The following ELF1 variants were observed in gnomAD, a reference collection of about 807,000 sequenced individuals.
ELF1 encodes ETS-related transcription factor Elf-1.
In ELF1, 24 loss-of-function variants were observed where a neutral mutation model predicts 59.9. The observed-to-expected ratio is 0.40, with a 90% CI of 0.29 to 0.56. The LOEUF is 0.56. ELF1 is among the 20% of genes least tolerant of loss of function. ELF1 has a pLI of 0.44. For synonymous variants in ELF1, 248 were observed against 266.2 expected (o/e 0.93, Z 0.67); for missense variants, 627 against 742.2 (o/e 0.84, Z 1.80).
chr13:41,016,316 C>T (rs531018642), intron 1 of ELF1, among the ~76,000 whole-genome samples: 28 of 152,178 alleles, frequency 1.8e-4, no homozygotes, highest in African/African-American at 6.0e-4. Context: ...TATGCATAAA[C>T]CATTAAAAAT....
In ELF1 at chr13:40,957,905, G is replaced by A. The variant is rs117912368; in HGVS notation, c.253+931C>T. On this transcript the variant is annotated intron_variant, in intron 3 of 8. Coordinates refer to ENST00000239882, the MANE Select transcript of ELF1 (RefSeq NM_172373.4). The stretch of plus-strand genomic sequence containing the variant: ...TAACTTCCTAAATAGATCAGAACCC[G>A]CCTTTAGACTTACTATTCAGTTCTA... 8.7e-3 allele frequency among the ~76,000 whole-genome samples: 1,326 copies of A among 152,228 alleles called. 19 individuals are homozygous for A. Among genetic ancestry groups the A allele is most frequent in the Non-Finnish European group, 0.014 (971 of 68,014 alleles).
At chr13:40,953,490 A>G (rs1461279935) in intron 3 of ELF1, among the ~76,000 whole-genome samples, 2 of 152,226 alleles carry the variant, frequency 1.3e-5, no homozygotes, top group Non-Finnish European at 2.9e-5. Flanking sequence ...ATGTGAAGAC[A>G]CTGGAAGACA....
At chr13:40,962,393 AAG>A (rs1416003072) in intron 2 of ELF1, among the ~76,000 whole-genome samples, 1 of 152,142 alleles carries the variant, frequency 6.6e-6, no homozygotes, top group Non-Finnish European at 1.5e-5. Flanking sequence ...GGATTAAAAA[AAG>A]AGAGTGGCCA....
intron 1 of ELF1, among the ~76,000 whole-genome samples, chr13:41,058,560 T>C (rs1877371250): frequency 6.6e-6 from 1 of 152,258 alleles, no homozygotes; most frequent in Non-Finnish European, 1.5e-5. Flanking sequence ...ATGATGCAAC[T>C]ACTTCCTTTG....
intron 8 of ELF1, among the ~76,000 whole-genome samples, chr13:40,938,112 T>C (rs1869910251): frequency 6.6e-6 from 1 of 152,216 alleles, no homozygotes; most frequent in African/African-American, 2.4e-5. Flanking sequence ...GCACTGCACC[T>C]GGCCAGGATA....
intron 3 of ELF1, among the ~76,000 whole-genome samples, chr13:40,953,027 A>T (rs919658758): frequency 1.4e-5 from 2 of 142,462 alleles, no homozygotes; most frequent in African/African-American, 5.3e-5. Flanking sequence ...CCCAGGCTGG[A>T]GTGCAATGGT....
At chr13:41,060,077 C>G (rs1306984410) in intron 1 of ELF1, among the ~76,000 whole-genome samples, 1 of 152,206 alleles carries the variant, frequency 6.6e-6, no homozygotes, top group Non-Finnish European at 1.5e-5. Context: ...CCCCTTAAGT[C>G]AAGTTGGGAA....
chr13:41,059,725 G>A (rs1190793402), intron 1 of ELF1, among the ~76,000 whole-genome samples: 1 of 152,148 alleles, frequency 6.6e-6, no homozygotes, highest in East Asian at 1.9e-4. Context: ...TGCTGACACA[G>A]CTGTCCCTTC....
chr13:41,035,782 T>G (rs901857582), intron 1 of ELF1, among the ~76,000 whole-genome samples: 7 of 150,932 alleles, frequency 4.6e-5, no homozygotes, highest in Non-Finnish European at 8.8e-5. Context: ...GGCCCTTCCA[T>G]TCGACTTTTT....
At chr13:40,947,072 T>C (rs1359604199) in intron 5 of ELF1, among the ~76,000 whole-genome samples, 1 of 150,854 alleles carries the variant, frequency 6.6e-6, no homozygotes, top group African/African-American at 2.4e-5. Context: ...TTTACTGTGT[T>C]GATAAAAGTG....
chr13:41,042,840 G>A (rs1324356398), intron 1 of ELF1, among the ~76,000 whole-genome samples: 3 of 152,078 alleles, frequency 2.0e-5, no homozygotes, highest in Non-Finnish European at 2.9e-5. Flanking sequence ...GGGATGGCTG[G>A]GTCAAATGGC....
chr13:40,932,192 T>G lies in ELF1; in HGVS notation c.*1233A>C, dbSNP rs948666011. The G allele has an allele frequency of 6.7e-6, 1 of 148,708 alleles. No homozygotes were observed. The highest frequency in any genetic ancestry group is 1.5e-5 in the Non-Finnish European group (1 of 68,012). The allele number at this position is 148,708 out of a possible 1,614,324, so 9.2% of individuals were successfully genotyped here. Reference sequence around the variant, plus strand: ...ATGATTTTTTTCATCTACAAAAATTTCTGTTATACTAGAAAATTTGCAGAA... The same window carrying G: ...ATGATTTTTTTCATCTACAAAAATTGCTGTTATACTAGAAAATTTGCAGAA... On this transcript the variant is annotated 3_prime_UTR_variant, in exon 9 of 9. Coordinates refer to ENST00000239882, the MANE Select transcript of ELF1 (RefSeq NM_172373.4).
chr13:41,057,151 C>CT (rs11358975), intron 1 of ELF1, among the ~76,000 whole-genome samples: 8 of 131,610 alleles, frequency 6.1e-5, no homozygotes, highest in East Asian at 4.4e-4. Flanking sequence ...ACTTTCACGT[C>CT]TTTTTTTTTT....
At chr13:40,967,433 T>C (rs1467926319) in intron 2 of ELF1, among the ~76,000 whole-genome samples, 1 of 152,204 alleles carries the variant, frequency 6.6e-6, no homozygotes, top group African/African-American at 2.4e-5. Context: ...CTGGAATTGT[T>C]GTAAGAATAA....
At chr13:40,949,681 G>A (rs921502792) in intron 5 of ELF1, 125 bp downstream of exon 5, 43 of 1,182,682 alleles carry the variant, frequency 3.6e-5, no homozygotes, top group Non-Finnish European at 4.6e-5. Context: ...TTTCCATTTT[G>A]TGCCTTCAAT....
intron 1 of ELF1, chr13:40,982,885 C>G (rs1019676145): frequency 3.7e-5 from 36 of 984,742 alleles, no homozygotes; most frequent in Non-Finnish European, 4.1e-5. Flanking sequence ...TCAGTGGCTT[C>G]TTTTTTAATG....
exon 1 of ELF1, chr13:41,060,957 C>A: frequency 3.1e-6 from 1 of 327,528 alleles, no homozygotes; most frequent in Non-Finnish European, 6.0e-6. Context: ...TGCTGCTGCC[C>A]ACACGCTCCC....
chr13:41,048,717 G>T (rs914948018), intron 1 of ELF1, among the ~76,000 whole-genome samples: 1 of 151,584 alleles, frequency 6.6e-6, no homozygotes, highest in Non-Finnish European at 1.5e-5. Flanking sequence ...CTAGCCGAAG[G>T]TATTTTTTTA....
rs1368387341 is a variant in ELF1 at position 40,951,331 on chromosome 13, A to C, written c.359T>G (p.Ile120Arg). 1 of 1,608,576 alleles carries C rather than the reference A, an allele frequency of 6.2e-7. No homozygotes were observed. The highest frequency in any genetic ancestry group is 2.2e-5 in the East Asian group (1 of 44,760). The change falls in exon 4 of 9, where the codon ATA becomes AGA. Residue 120 changes from isoleucine (I) to arginine (R), a missense_variant and splice_region_variant. Physicochemically the swap from Ile to Arg is moderately conservative, Grantham distance 97. Transcript: ENST00000239882. ...CATAAACAATCATAATCACTCACTT[A>C]TTCGTTTTTCATCCAGCATAGGGCC... is the stretch of plus-strand genomic sequence containing the variant. The part of the protein sequence containing the change: ...SPGPMLDEKR[I>R]NNNIFSSPED...
Sources: gnomAD v4.1 joint callset for allele counts (sites outside exome capture counted in the v4.1 genomes callset) on GRCh38, gnomAD v4.1.1 for gene constraint, MANE v1.5 for transcripts, NCBI Gene and HGNC (gene_info 2026-07-23, HGNC 2026-07-21) for gene names.